UNC13C: variants seen among roughly 807,000 people sequenced by gnomAD.
The protein encoded by UNC13C is protein unc-13 homolog C.
A neutral mutation model predicts 245.4 loss-of-function variants in UNC13C; 174 were observed. That is an observed-to-expected ratio of 0.71 (90% CI 0.63 to 0.80). The LOEUF is 0.80. UNC13C is among the 30% of genes least tolerant of loss of function. The pLI, the probability that UNC13C is intolerant of heterozygous loss-of-function variation, is 0.00. For synonymous variants in UNC13C, 992 were observed against 895.1 expected, an observed-to-expected ratio of 1.11 and a Z score of -1.93; for missense variants, 2,829 against 2,602.9, an observed-to-expected ratio of 1.09 and a Z score of -1.89.
chr15:54,527,100 C>G (rs180874276), intron 25 of UNC13C, among the ~76,000 whole-genome samples: 71 of 150,458 alleles, frequency 4.7e-4, no homozygotes, highest in Admixed American at 3.1e-3. Context: ...GTCATTCTGC[C>G]TCTGCAGTGT....
intron 1 of UNC13C, among the ~76,000 whole-genome samples, chr15:54,008,298 C>G (rs1017964122): frequency 6.6e-6 from 1 of 152,120 alleles, no homozygotes; most frequent in Non-Finnish European, 1.5e-5. Flanking sequence ...TGACCTTAAG[C>G]AAGTTTTCAG....
chr15:54,457,079 A>G (rs1891572709), intron 19 of UNC13C, among the ~76,000 whole-genome samples: 1 of 152,046 alleles, frequency 6.6e-6, no homozygotes, highest in Admixed American at 6.5e-5. Context: ...TGAGGATTTT[A>G]ATCAGGAAGG....
chr15:53,992,476 G>A (rs564805210), intron 1 of UNC13C, among the ~76,000 whole-genome samples: 12 of 152,142 alleles, frequency 7.9e-5, no homozygotes, highest in African/African-American at 2.2e-4. Flanking sequence ...TTGTCTTCAA[G>A]CAAGGATGAA....
chr15:54,118,081 T>C (rs2030399328), intron 2 of UNC13C, among the ~76,000 whole-genome samples: 1 of 152,130 alleles, frequency 6.6e-6, no homozygotes. Flanking sequence ...TCAGATAATG[T>C]GATGCTTCAG....
intron 19 of UNC13C, among the ~76,000 whole-genome samples, chr15:54,451,662 T>C (rs906030300): frequency 1.3e-5 from 2 of 152,206 alleles, no homozygotes; most frequent in Non-Finnish European, 2.9e-5. Flanking sequence ...ATATCCTGAA[T>C]TGTTTTTCTG....
At chr15:54,594,983 G>C (rs1236272399) in intron 30 of UNC13C, among the ~76,000 whole-genome samples, 1 of 152,246 alleles carries the variant, frequency 6.6e-6, no homozygotes. Flanking sequence ...TGTTCTTAGG[G>C]CAGATGGAAG....
In UNC13C at chr15:54,393,153, A is replaced by G; in HGVS notation, c.4819A>G (p.Lys1607Glu). The G allele has an allele frequency of 6.2e-7, 1 of 1,605,676 alleles. No individual in the cohort carries two copies. Among genetic ancestry groups the G allele is most frequent in the Admixed American group, 1.7e-5 (1 of 57,740 alleles). Residue 1607 changes from lysine (K) to glutamate (E), a missense_variant, in exon 18 of 33, where the codon AAA (lysine) becomes GAA (glutamate). Transcript: ENST00000260323. ...TLMVTIIDED[K>E]TAYTPVLNQF... The stretch of plus-strand genomic sequence containing the variant: ...GATGGTTACTATTATTGATGAGGAT[A>G]AAACTGCCTACACACCTGTCCTGAA...
intron 17 of UNC13C, among the ~76,000 whole-genome samples, chr15:54,380,177 A>G (rs535650394): frequency 6.8e-6 from 1 of 147,260 alleles, no homozygotes; most frequent in African/African-American, 2.5e-5. Context: ...TGTTAACACC[A>G]TTCTACTATC....
the UNC13C span, among the ~76,000 whole-genome samples, chr15:53,937,626 G>A: frequency 6.6e-6 from 1 of 152,128 alleles, no homozygotes; most frequent in Non-Finnish European, 1.5e-5. Context: ...GTTAAAGGCA[G>A]CCAGAGAGAA....
chr15:54,615,835 G>A (rs1471066793), intron 30 of UNC13C, among the ~76,000 whole-genome samples: 2 of 152,086 alleles, frequency 1.3e-5, no homozygotes, highest in African/African-American at 4.8e-5. Flanking sequence ...GATTCCAAAA[G>A]ACAAGCTAGT....
chr15:53,888,068 C>T, the UNC13C span, among the ~76,000 whole-genome samples: 23 of 152,136 alleles, frequency 1.5e-4, no homozygotes, highest in African/African-American at 3.4e-4. Flanking sequence ...GGTCCATACC[C>T]GGTAATGGGA....
chr15:54,483,687 A>G (rs5017619), intron 19 of UNC13C, among the ~76,000 whole-genome samples: 67,334 of 151,916 alleles, frequency 0.44, 15,235 homozygotes, highest in East Asian at 0.72. Flanking sequence ...GTAGAAATGG[A>G]GTTTCACCCC....
chr15:53,993,697 ATTG>A (rs767808335), intron 1 of UNC13C, among the ~76,000 whole-genome samples: 1 of 151,938 alleles, frequency 6.6e-6, no homozygotes, highest in Non-Finnish European at 1.5e-5. Context: ...TCTAATTGTT[ATTG>A]TTGTTGTGTT....
At chr15:54,243,301 A>G (rs1463306203) in intron 7 of UNC13C, among the ~76,000 whole-genome samples, 3 of 152,194 alleles carry the variant, frequency 2.0e-5, no homozygotes, top group African/African-American at 7.2e-5. Flanking sequence ...ATGTCCCTAC[A>G]AAGGACATGA....
At position 53,994,428 on chromosome 15, in the gene UNC13C, C is replaced by T. The variant is rs185816204; in HGVS notation, c.-257+15501C>T. The stretch of plus-strand genomic sequence containing the variant: ...CTAATTTAAATTTTAATTATAAATG[C>T]CACACCCATTTCACTTGAGTGCCTT... On this transcript the variant is annotated intron_variant, in intron 1 of 32. Coordinates refer to ENST00000260323, the MANE Select transcript of UNC13C (RefSeq NM_001080534.3). 3.4e-4 allele frequency among the ~76,000 whole-genome samples: 52 copies of T among 152,078 alleles called. No homozygotes were observed. The South Asian group carries it at 4.8e-3, about 14-fold the overall frequency.
intron 13 of UNC13C, among the ~76,000 whole-genome samples, chr15:54,316,230 C>T (rs1383399678): frequency 6.6e-6 from 1 of 151,902 alleles, no homozygotes; most frequent in African/African-American, 2.4e-5. Context: ...ACCCCTCAGA[C>T]TTATCTTTGG....
chr15:54,417,211 A>G (rs781733484), intron 19 of UNC13C: 7 of 324,812 alleles, frequency 2.2e-5, no homozygotes, highest in Admixed American at 1.3e-4. Flanking sequence ...AAGCTACTCA[A>G]TAACTACTTG....
intron 13 of UNC13C, among the ~76,000 whole-genome samples, chr15:54,316,133 C>CT (rs1468054211): frequency 1.3e-5 from 2 of 151,850 alleles, no homozygotes; most frequent in African/African-American, 2.4e-5. Context: ...TATATTTACT[C>CT]TAAGATTTTG....
At chr15:54,376,624 A>G (rs1013839638) in intron 17 of UNC13C, among the ~76,000 whole-genome samples, 5 of 152,184 alleles carry the variant, frequency 3.3e-5, no homozygotes, top group Admixed American at 6.5e-5. Flanking sequence ...ACTCGAAGGT[A>G]GTTTATTTGA....
Sources: gnomAD v4.1 joint callset for allele counts (sites outside exome capture counted in the v4.1 genomes callset) on GRCh38, gnomAD v4.1.1 for gene constraint, MANE v1.5 for transcripts, NCBI Gene and HGNC (gene_info 2026-07-23, HGNC 2026-07-21) for gene names.